Variants in SEMA3D observed in about 807,000 individuals in gnomAD.
SEMA3D encodes semaphorin 3D, also known as semaphorin-3D.
In SEMA3D, 84 loss-of-function variants were observed where a neutral mutation model predicts 100.1. The ratio of observed to expected loss-of-function variants is 0.84; its 90% CI spans 0.70 to 1.01. The LOEUF (loss-of-function observed/expected upper bound fraction) is 1.01. Ranked by LOEUF, SEMA3D falls within the 50% of genes least tolerant of loss-of-function variation. SEMA3D has a pLI of 0.00. For missense variants in SEMA3D, 875 were observed against 934.1 expected (o/e 0.94, Z 0.82); for synonymous variants, 312 against 320.7 (o/e 0.97, Z 0.29).
chr7:85,058,380 T>G (rs578251015), intron 8 of SEMA3D, among the ~76,000 whole-genome samples: 1 of 152,236 alleles, frequency 6.6e-6, no homozygotes, highest in African/African-American at 2.4e-5. Context: ...TTGGTTTTGA[T>G]CACTGAGCAA....
At chr7:85,033,415 C>A (rs1304997553) in intron 12 of SEMA3D, among the ~76,000 whole-genome samples, 1 of 152,130 alleles carries the variant, frequency 6.6e-6, no homozygotes, top group African/African-American at 2.4e-5. Context: ...GCATGACATT[C>A]ACAGCTCTTT....
intron 4 of SEMA3D, among the ~76,000 whole-genome samples, chr7:85,096,952 TC>T (rs1183375878): frequency 3.9e-5 from 6 of 151,934 alleles, no homozygotes; most frequent in Non-Finnish European, 7.4e-5. Flanking sequence ...CTGCTCCTAA[TC>T]TTTTTTTTCA....
intron 3 of SEMA3D, among the ~76,000 whole-genome samples, chr7:85,105,158 T>C (rs1451247115): frequency 6.6e-6 from 1 of 152,078 alleles, no homozygotes; most frequent in African/African-American, 2.4e-5. Flanking sequence ...TCTTTAAGCC[T>C]TTCAGCATCC....
At chr7:85,127,210 C>G (rs983094119) in intron 2 of SEMA3D, among the ~76,000 whole-genome samples, 1 of 152,096 alleles carries the variant, frequency 6.6e-6, no homozygotes, top group Non-Finnish European at 1.5e-5. Context: ...CGATTATCAT[C>G]AGAAATTAGT....
chr7:85,109,390 A>T (rs1320017359), intron 3 of SEMA3D, among the ~76,000 whole-genome samples: 1 of 151,950 alleles, frequency 6.6e-6, no homozygotes, highest in Non-Finnish European at 1.5e-5. Context: ...ATTCTTTTTC[A>T]AAAGGTCTCT....
chr7:85,165,169 A>G (rs1359521230), intron 1 of SEMA3D, among the ~76,000 whole-genome samples: 1 of 152,014 alleles, frequency 6.6e-6, no homozygotes, highest in African/African-American at 2.4e-5. Context: ...TACATGTGTA[A>G]CGAACCTGCA....
At chr7:85,153,912 GTTC>G (rs1790506332) in intron 1 of SEMA3D, among the ~76,000 whole-genome samples, 173 bp from the exon 2 acceptor site, 3 of 152,120 alleles carry the variant, frequency 2.0e-5, no homozygotes, top group African/African-American at 7.2e-5. Flanking sequence ...CAAGCTTTTT[GTTC>G]TATTAGGTCT....
At chr7:85,234,369 A>T in the SEMA3D span, among the ~76,000 whole-genome samples, 3 of 152,232 alleles carry the variant, frequency 2.0e-5, no homozygotes, top group East Asian at 5.8e-4. Context: ...GAGAGAAACT[A>T]AAGTAGTTTC....
At chr7:85,232,007 G>A in the SEMA3D span, among the ~76,000 whole-genome samples, 15 of 152,276 alleles carry the variant, frequency 9.9e-5, no homozygotes, top group South Asian at 2.1e-3. Flanking sequence ...CAGTGAAAAC[G>A]AAAAAGATTC....
chr7:85,207,568 G>A, the SEMA3D span, among the ~76,000 whole-genome samples: 1 of 151,990 alleles, frequency 6.6e-6, no homozygotes, highest in African/African-American at 2.4e-5. Flanking sequence ...TGTATTAAAG[G>A]AAAGTTAAGA....
chr7:85,091,152 G>GGGAA (rs1186876239), intron 4 of SEMA3D, among the ~76,000 whole-genome samples: 5 of 130,088 alleles, frequency 3.8e-5, no homozygotes, highest in African/African-American at 6.5e-5. Context: ...GAAGGAAGGA[G>GGGAA]GGAAGGAAGG....
At chr7:85,018,159 C>A (rs1790155977) in intron 15 of SEMA3D, 93 bp downstream of exon 15, 1 of 782,040 alleles carries the variant, frequency 1.3e-6, no homozygotes, top group Admixed American at 2.1e-5. Flanking sequence ...TAAAATTTAA[C>A]TCCCAATTTC....
intron 1 of SEMA3D, among the ~76,000 whole-genome samples, chr7:85,183,720 G>C (rs1295773417): frequency 6.6e-6 from 1 of 152,188 alleles, no homozygotes; most frequent in Admixed American, 6.5e-5. Context: ...TTTATCGTTA[G>C]TTTCTGCTAG....
chr7:85,218,949 A>G, the SEMA3D span, among the ~76,000 whole-genome samples: 2 of 152,140 alleles, frequency 1.3e-5, no homozygotes, highest in Non-Finnish European at 2.9e-5. Flanking sequence ...TTATTCTGAT[A>G]CCCAATTAAA....
At chr7:85,231,598 CTG>C in the SEMA3D span, among the ~76,000 whole-genome samples, 2 of 152,098 alleles carry the variant, frequency 1.3e-5, no homozygotes, top group South Asian at 4.1e-4. Flanking sequence ...CTACAGGCGT[CTG>C]CCACCACACC....
At chr7:85,147,092 CTTTTTTTTTTTTT>C (rs752922884) in intron 2 of SEMA3D, among the ~76,000 whole-genome samples, 1 of 48,178 alleles carries the variant, frequency 2.1e-5, no homozygotes, top group East Asian at 3.9e-4. Flanking sequence ...TTTTTCTTTT[CTTTTTTTTTTTTT>C]TTTTTTTTTT....
Position 85,050,996 on chromosome 7 carries a change from A to C in SEMA3D, c.861+4721T>G, listed in dbSNP as rs1211157374. ...ATGTGTGATTTTTGGGATTAAATTC[A>C]CTGTAGTGTGACCAGATATTTACAT... On this transcript the variant is annotated intron_variant, in intron 9 of 18. Transcript: ENST00000284136. Among the ~76,000 whole-genome samples the C allele has an allele frequency of 2.0e-5, 3 of 151,864 alleles. No individual in the cohort carries two copies. The East Asian group carries it at 5.8e-4, about 29-fold the overall frequency.
At chr7:85,026,172 A>G (rs1790385468) in intron 12 of SEMA3D, among the ~76,000 whole-genome samples, 1 of 152,038 alleles carries the variant, frequency 6.6e-6, no homozygotes, top group Admixed American at 6.6e-5. Context: ...ATCTGGACTC[A>G]GGATATCCAG....
intron 12 of SEMA3D, among the ~76,000 whole-genome samples, chr7:85,023,604 T>G (rs1790313955): frequency 6.6e-6 from 1 of 151,858 alleles, no homozygotes; most frequent in Non-Finnish European, 1.5e-5. Flanking sequence ...TTGTTTCAGT[T>G]TTTAGAGAAG....
Sources: gnomAD v4.1 joint callset for allele counts (sites outside exome capture counted in the v4.1 genomes callset) on GRCh38, gnomAD v4.1.1 for gene constraint, MANE v1.5 for transcripts, NCBI Gene and HGNC (gene_info 2026-07-23, HGNC 2026-07-21) for gene names.